Variants in RGL1 observed in about 807,000 individuals in gnomAD.
The protein encoded by RGL1 is ral guanine nucleotide dissociation stimulator like 1.
A neutral mutation model predicts 95.2 loss-of-function variants in RGL1; 24 were observed. That is an observed-to-expected ratio of 0.25 (90% CI 0.18 to 0.35). The LOEUF is 0.35. RGL1 is among the 10% of genes least tolerant of loss of function. The pLI, the probability that RGL1 is intolerant of heterozygous loss-of-function variation, is 1.00. For missense variants in RGL1, 715 were observed against 936.3 expected (o/e 0.76, Z 3.08); for synonymous variants, 329 against 344.9 (o/e 0.95, Z 0.51).
chr1:183,773,854 CAAAG>C (rs1659440448), intron 2 of RGL1, among the ~76,000 whole-genome samples: 2 of 151,066 alleles, frequency 1.3e-5, no homozygotes, highest in Admixed American at 6.6e-5. Flanking sequence ...AAATGGCAAA[CAAAG>C]AGACTTGAAA....
At position 183,880,814 on chromosome 1, in the gene RGL1, T is replaced by G; in HGVS notation, c.610+14T>G. Reference sequence around the variant, plus strand: ...TGGAAACTGACAGTGAGTACTTGTTTGTTCCCAGGGAAAAGGCTAGATTCT... The same window carrying G: ...TGGAAACTGACAGTGAGTACTTGTTGGTTCCCAGGGAAAAGGCTAGATTCT... On this transcript the variant is annotated intron_variant, in intron 5 of 17. Transcript: ENST00000360851. 6.2e-7 allele frequency: 1 copy of G among 1,611,386 alleles called. No individual in the cohort carries two copies. Among genetic ancestry groups the G allele is most frequent in the Non-Finnish European group, 8.5e-7 (1 of 1,178,264 alleles).
chr1:183,783,247 G>A (rs1659993883), intron 2 of RGL1, among the ~76,000 whole-genome samples: 1 of 151,996 alleles, frequency 6.6e-6, no homozygotes. Flanking sequence ...AGAGAGAGAG[G>A]GAGGGGGAGA....
At chr1:183,885,263 G>A (rs1667049963) in intron 7 of RGL1, among the ~76,000 whole-genome samples, 1 of 152,142 alleles carries the variant, frequency 6.6e-6, no homozygotes, top group Non-Finnish European at 1.5e-5. Flanking sequence ...GTTGGTTTCA[G>A]CACCATGTTC....
At chr1:183,727,821 A>G (rs1009383148) in intron 1 of RGL1, among the ~76,000 whole-genome samples, 1 of 152,248 alleles carries the variant, frequency 6.6e-6, no homozygotes, top group Non-Finnish European at 1.5e-5. Flanking sequence ...AATTTTAAAA[A>G]GGACAATATT....
chr1:183,914,732 T>C (rs1668859684), intron 15 of RGL1, among the ~76,000 whole-genome samples: 1 of 152,192 alleles, frequency 6.6e-6, no homozygotes, highest in Non-Finnish European at 1.5e-5. Flanking sequence ...TGGGGGCTCA[T>C]CAGGCAGTCT....
At chr1:183,767,431 C>G (rs957066234) in intron 2 of RGL1, among the ~76,000 whole-genome samples, 1 of 152,096 alleles carries the variant, frequency 6.6e-6, no homozygotes, top group Non-Finnish European at 1.5e-5. Context: ...TACAAAAGCA[C>G]GTGACGGATA....
intron 2 of RGL1, among the ~76,000 whole-genome samples, chr1:183,817,273 C>A (rs1662150091): frequency 6.6e-6 from 1 of 152,184 alleles, no homozygotes; most frequent in Admixed American, 6.5e-5. Context: ...TTTGAGTAGT[C>A]CTGTTGCTGC....
intron 8 of RGL1, among the ~76,000 whole-genome samples, chr1:183,891,096 A>C (rs1667391505): frequency 6.6e-6 from 1 of 152,210 alleles, no homozygotes; most frequent in South Asian, 2.1e-4. Flanking sequence ...AGGGCCACAT[A>C]TAATTAATTT....
chr1:183,870,559 G>A (rs1343254192), intron 4 of RGL1, among the ~76,000 whole-genome samples: 3 of 152,164 alleles, frequency 2.0e-5, no homozygotes, highest in Non-Finnish European at 4.4e-5. Flanking sequence ...TGCTGCTGGC[G>A]CAAGTGGCCT....
chr1:183,885,435 C>T lies in RGL1; in HGVS notation c.951+497C>T, dbSNP rs551005240. Among the ~76,000 whole-genome samples, 3 of 152,288 alleles carry T rather than the reference C, an allele frequency of 2.0e-5. No individual in the cohort carries two copies. In the East Asian group the frequency reaches 5.8e-4, roughly 29 times the overall value. On this transcript the variant is annotated intron_variant, in intron 7 of 17. Transcript: ENST00000360851. ...GAATCTCTTTTCTAAAGGACTGAGA[C>T]ACTTACAGAGATCTCATATTAATCT...
intron 1 of RGL1, among the ~76,000 whole-genome samples, chr1:183,639,282 CAAAA>C (rs1306405130): frequency 1.4e-5 from 1 of 70,832 alleles, no homozygotes. Context: ...CACTTCATCT[CAAAA>C]AAAAAAAAAA....
chr1:183,855,704 G>T (rs927207730), intron 3 of RGL1, among the ~76,000 whole-genome samples: 5 of 152,096 alleles, frequency 3.3e-5, no homozygotes, highest in Non-Finnish European at 7.3e-5. Context: ...TCGCCTCTAG[G>T]GTCACCAGCA....
At chr1:183,666,743 A>G (rs1652066468) in intron 1 of RGL1, among the ~76,000 whole-genome samples, 1 of 152,220 alleles carries the variant, frequency 6.6e-6, no homozygotes, top group Admixed American at 6.5e-5. Flanking sequence ...CTATTCATTT[A>G]CATCTGTGAA....
intron 17 of RGL1, among the ~76,000 whole-genome samples, chr1:183,923,624 G>A (rs1669441361): frequency 6.6e-6 from 1 of 151,974 alleles, no homozygotes; most frequent in African/African-American, 2.4e-5. Context: ...CCCGGGCCTT[G>A]GTCCTTAATT....
chr1:183,916,952 TAAAG>T (rs1481549720), intron 16 of RGL1, among the ~76,000 whole-genome samples: 2 of 152,168 alleles, frequency 1.3e-5, no homozygotes, highest in Admixed American at 6.5e-5. Flanking sequence ...TTTCACATCT[TAAAG>T]AAATGCTAAA....
At chr1:183,741,881 G>A (rs1038354296) in intron 1 of RGL1, among the ~76,000 whole-genome samples, 6 of 152,102 alleles carry the variant, frequency 3.9e-5, no homozygotes, top group Non-Finnish European at 5.9e-5. Flanking sequence ...ATGATGGCTT[G>A]CACTTTGCTT....
At chr1:183,715,029 G>C (rs1213504974) in intron 1 of RGL1, among the ~76,000 whole-genome samples, 1 of 152,140 alleles carries the variant, frequency 6.6e-6, no homozygotes, top group African/African-American at 2.4e-5. Flanking sequence ...AGGTAGGGAT[G>C]GTTATTCTTA....
intron 1 of RGL1, among the ~76,000 whole-genome samples, chr1:183,680,461 A>G (rs1653134986): frequency 6.6e-6 from 1 of 152,144 alleles, no homozygotes; most frequent in Non-Finnish European, 1.5e-5. Context: ...AACACCATTT[A>G]TTAAATAGGG....
intron 2 of RGL1, among the ~76,000 whole-genome samples, chr1:183,838,147 T>A (rs1373911412): frequency 6.6e-6 from 1 of 152,246 alleles, no homozygotes; most frequent in Non-Finnish European, 1.5e-5. Context: ...GCAAACTTCT[T>A]AAAATCCACT....
Sources: gnomAD v4.1 joint callset for allele counts (sites outside exome capture counted in the v4.1 genomes callset) on GRCh38, gnomAD v4.1.1 for gene constraint, MANE v1.5 for transcripts, NCBI Gene and HGNC (gene_info 2026-07-23, HGNC 2026-07-21) for gene names.